The following DMRT1 variants were observed in gnomAD, a reference collection of about 807,000 sequenced individuals.
DMRT1 encodes the protein doublesex and mab-3 related transcription factor 1.
DMRT1 carries 7 observed loss-of-function variants against 32.3 expected under a neutral mutation model. That is an observed-to-expected ratio of 0.22 (90% confidence interval 0.12 to 0.41). The LOEUF is 0.41. DMRT1 is among the 10% of genes least tolerant of loss of function. The pLI, the probability that DMRT1 is intolerant of heterozygous loss-of-function variation, is 1.00. For missense variants in DMRT1, 625 were observed against 500.5 expected (o/e 1.25, Z -2.37); for synonymous variants, 278 against 206.1 (o/e 1.35, Z -2.99).
chr9:888,261 G>C (rs1230933028), intron 2 of DMRT1, among the ~76,000 whole-genome samples: 1 of 151,874 alleles, frequency 6.6e-6, no homozygotes, highest in Non-Finnish European at 1.5e-5. Context: ...TAAGCTCTGA[G>C]TGATTTAGGT....
chr9:925,704 G>A (rs1486031226), intron 4 of DMRT1, among the ~76,000 whole-genome samples: 1 of 152,128 alleles, frequency 6.6e-6, no homozygotes, highest in Non-Finnish European at 1.5e-5. Context: ...CTCCTCCAGT[G>A]TCTGTAAGAC....
rs1000055270 is a variant in DMRT1, at chr9:847,046, C to G, written c.441C>G (p.Val147=). Residue 147 remains valine (V), a synonymous_variant, in exon 2 of 5, where the codon GTC becomes GTG. Transcript: ENST00000382276. The part of the protein sequence containing the change: ...IPLPSAAELL[V]KRENNGSNPC... ...TGCCCAGTGCGGCCGAGCTGCTTGT[C>G]AAAAGAGAGAACAATGGCAGTAACC... 2 of 1,613,990 alleles carry G rather than the reference C, an allele frequency of 1.2e-6. No individual in the cohort carries two copies. The highest frequency in any genetic ancestry group is 2.7e-5 in the African/African-American group (2 of 74,918).
intron 4 of DMRT1, among the ~76,000 whole-genome samples, chr9:947,263 AT>A (rs532128969): frequency 5.9e-5 from 9 of 152,062 alleles, no homozygotes; most frequent in Non-Finnish European, 5.9e-5. Flanking sequence ...TCGTTTTGGG[AT>A]TTTTTTTAAA....
intron 4 of DMRT1, among the ~76,000 whole-genome samples, chr9:944,367 C>G (rs1198386047): frequency 2.0e-5 from 3 of 152,184 alleles, no homozygotes; most frequent in Non-Finnish European, 2.9e-5. Context: ...TAGGATTAGA[C>G]TGTTGTAATT....
intron 2 of DMRT1, among the ~76,000 whole-genome samples, chr9:851,481 G>C (rs1564196215): frequency 1.3e-5 from 2 of 152,070 alleles, no homozygotes; most frequent in Non-Finnish European, 2.9e-5. Context: ...TCAAATGATT[G>C]CCCGCCTCGG....
At chr9:908,981 C>T (rs559141304) in intron 3 of DMRT1, among the ~76,000 whole-genome samples, 78 of 152,194 alleles carry the variant, frequency 5.1e-4, no homozygotes, top group African/African-American at 1.8e-3. Context: ...ACCCCACACA[C>T]GTTGAAGGAT....
At chr9:864,425 T>A (rs935068475) in intron 2 of DMRT1, among the ~76,000 whole-genome samples, 3 of 151,630 alleles carry the variant, frequency 2.0e-5, no homozygotes, top group Non-Finnish European at 4.4e-5. Context: ...ACTCCTGACC[T>A]CAGGTGATCT....
intron 2 of DMRT1, among the ~76,000 whole-genome samples, chr9:888,477 TTA>T (rs1162409313): frequency 1.3e-5 from 2 of 152,102 alleles, no homozygotes; most frequent in East Asian, 1.9e-4. Context: ...CAGCCAATTT[TTA>T]TATGTTTTGT....
chr9:869,805 C>T (rs1816152359), intron 2 of DMRT1, among the ~76,000 whole-genome samples: 1 of 151,998 alleles, frequency 6.6e-6, no homozygotes, highest in South Asian at 2.1e-4. Context: ...ATAGTCTTTT[C>T]TCCTCTTCTC....
At chr9:847,702 G>A (rs2132544723) in intron 2 of DMRT1, among the ~76,000 whole-genome samples, 1 of 152,346 alleles carries the variant, frequency 6.6e-6, no homozygotes, top group East Asian at 1.9e-4. Context: ...TACTGAATTA[G>A]AAAGTATCTG....
In DMRT1 at chr9:854,879, C is replaced by A. The variant is rs557319444; in HGVS notation, c.538+7736C>A. Among the ~76,000 whole-genome samples the A allele has an allele frequency of 8.1e-4, 121 of 150,004 alleles. 1 individual carries two copies. Among genetic ancestry groups the A allele is most frequent in the Non-Finnish European group, 1.7e-3 (112 of 67,694 alleles). ...CTCCTGGGTTCACGCCATTCTCCTGCCTCAGCCTCCCGAGTAGCTGGGACT... is the reference window on the plus strand; with the variant it reads ...CTCCTGGGTTCACGCCATTCTCCTGACTCAGCCTCCCGAGTAGCTGGGACT... On this transcript the variant is annotated intron_variant, in intron 2 of 4. Transcript: ENST00000382276.
chr9:908,650 C>G (rs902290752), intron 3 of DMRT1, among the ~76,000 whole-genome samples: 1 of 151,698 alleles, frequency 6.6e-6, no homozygotes, highest in African/African-American at 2.4e-5. Flanking sequence ...TACTGTAATA[C>G]AAACTTTCCT....
intron 4 of DMRT1, among the ~76,000 whole-genome samples, chr9:926,307 G>A (rs1818522080): frequency 6.6e-6 from 1 of 152,120 alleles, no homozygotes; most frequent in African/African-American, 2.4e-5. Flanking sequence ...TCAAGTGGAA[G>A]GGTTAATATT....
chr9:915,357 C>G (rs2129766061), intron 3 of DMRT1, among the ~76,000 whole-genome samples: 2 of 152,290 alleles, frequency 1.3e-5, no homozygotes, highest in Middle Eastern at 6.8e-3. Flanking sequence ...TCTAAGCCAT[C>G]AAGTCATATC....
intron 2 of DMRT1, among the ~76,000 whole-genome samples, chr9:893,227 T>G (rs1817220949): frequency 6.6e-6 from 1 of 152,244 alleles, no homozygotes; most frequent in African/African-American, 2.4e-5. Context: ...ATTCATTTAT[T>G]GGAATTGACA....
chr9:924,200 A>T (rs10977532), intron 4 of DMRT1, among the ~76,000 whole-genome samples: 104,990 of 151,216 alleles, frequency 0.69, 37,327 homozygotes, highest in South Asian at 0.89. Flanking sequence ...GCCTCCTGAG[A>T]AGCTGGGATT....
chr9:873,711 G>A (rs1386459862), intron 2 of DMRT1, among the ~76,000 whole-genome samples: 1 of 152,192 alleles, frequency 6.6e-6, no homozygotes, highest in Non-Finnish European at 1.5e-5. Context: ...AGTGGCAAAG[G>A]TGAGGTGAAA....
At chr9:847,176 C>T (rs1448088142) in intron 2 of DMRT1, 33 bp downstream of exon 2, 6 of 1,606,996 alleles carry the variant, frequency 3.7e-6, no homozygotes, top group Non-Finnish European at 5.1e-6. Flanking sequence ...CACATGGAGG[C>T]TGGGCATGAG....
chr9:901,574 G>A (rs548979538), intron 3 of DMRT1, among the ~76,000 whole-genome samples: 4 of 152,116 alleles, frequency 2.6e-5, no homozygotes, highest in East Asian at 3.9e-4. Flanking sequence ...TGATCCGCCT[G>A]CCTTGGCCTC....
Sources: gnomAD v4.1 joint callset for allele counts (sites outside exome capture counted in the v4.1 genomes callset) on GRCh38, gnomAD v4.1.1 for gene constraint, MANE v1.5 for transcripts, NCBI Gene and HGNC (gene_info 2026-07-23, HGNC 2026-07-21) for gene names.